Variants in CERT1 observed in about 807,000 individuals in gnomAD.
CERT1 encodes the protein ceramide transfer protein.
A neutral mutation model predicts 87.9 loss-of-function variants in CERT1; 31 were observed. That is an observed-to-expected ratio of 0.35 (90% CI 0.27 to 0.48). The LOEUF is 0.48. Ranked by LOEUF, CERT1 falls within the 20% of genes least tolerant of loss-of-function variation. The pLI, the probability that CERT1 is intolerant of heterozygous loss-of-function variation, is 0.99. For missense variants in CERT1, 487 were observed against 758.0 expected, an observed-to-expected ratio of 0.64 and a Z score of 4.20; for synonymous variants, 289 against 250.9, an observed-to-expected ratio of 1.15 and a Z score of -1.44.
intron 11 of CERT1, among the ~76,000 whole-genome samples, chr5:75,395,727 T>G (rs928746777): frequency 4.6e-5 from 7 of 151,934 alleles, no homozygotes; most frequent in African/African-American, 1.7e-4. Context: ...CTGGGTGTGA[T>G]AGCGTGTGCC....
At chr5:75,427,549 A>T (rs1370353717) in intron 3 of CERT1, among the ~76,000 whole-genome samples, 2 of 152,196 alleles carry the variant, frequency 1.3e-5, no homozygotes, top group Non-Finnish European at 2.9e-5. Flanking sequence ...CAGTGAGCCG[A>T]GATTACGCCA....
At chr5:75,425,171 G>A in intron 5 of CERT1, 190 bp downstream of exon 5, 1 of 533,424 alleles carries the variant, frequency 1.9e-6, no homozygotes. Context: ...TGGTATGGAT[G>A]ATCAAAATGA....
chr5:75,452,673 T>C (rs1487255781), intron 3 of CERT1, among the ~76,000 whole-genome samples: 3 of 152,188 alleles, frequency 2.0e-5, no homozygotes, highest in Non-Finnish European at 4.4e-5. Flanking sequence ...ACAGAGCCCT[T>C]TGACAACAGG....
rs986465191 is a variant in CERT1, at chr5:75,382,931, G to T, written c.1489-854C>A. Among the ~76,000 whole-genome samples, 8 of 152,066 alleles carry T rather than the reference G, an allele frequency of 5.3e-5. No homozygotes were observed. In the East Asian group the frequency reaches 1.5e-3, roughly 29 times the overall value. On this transcript the variant is annotated intron_variant, in intron 14 of 16. Coordinates refer to ENST00000643780, the MANE Select transcript of CERT1 (RefSeq NM_001379029.1). Reference sequence around the variant, plus strand: ...AGACCTAATGAATACAAATCCACAGGATGATAAGATAGAAATTTAAAGAAT... The same window carrying T: ...AGACCTAATGAATACAAATCCACAGTATGATAAGATAGAAATTTAAAGAAT...
chr5:75,415,388 G>C (rs1283010230), intron 7 of CERT1, among the ~76,000 whole-genome samples: 2 of 152,272 alleles, frequency 1.3e-5, no homozygotes, highest in Middle Eastern at 3.4e-3. Context: ...GCATGGAGAA[G>C]CAACAAAAGT....
intron 3 of CERT1, among the ~76,000 whole-genome samples, chr5:75,456,015 G>A (rs940590678): frequency 2.0e-5 from 3 of 152,130 alleles, no homozygotes; most frequent in Non-Finnish European, 2.9e-5. Context: ...CATTATGCCT[G>A]TACAGTTTTA....
At chr5:75,437,529 G>A (rs1242382915) in intron 3 of CERT1, among the ~76,000 whole-genome samples, 7 of 152,102 alleles carry the variant, frequency 4.6e-5, no homozygotes, top group Admixed American at 4.6e-4. Context: ...ACTTTGGGAG[G>A]CCAAGGCAGG....
intron 2 of CERT1, among the ~76,000 whole-genome samples, chr5:75,494,198 C>T (rs1766949719): frequency 6.6e-6 from 1 of 152,160 alleles, no homozygotes; most frequent in Admixed American, 6.5e-5. Context: ...AACCCAAAGG[C>T]TGTACTTTGA....
At chr5:75,496,928 C>G (rs1447678379) in intron 2 of CERT1, among the ~76,000 whole-genome samples, 1 of 151,412 alleles carries the variant, frequency 6.6e-6, no homozygotes, top group Non-Finnish European at 1.5e-5. Context: ...TGAATTTGAC[C>G]GTGTGTAAAT....
rs763174978 is a variant in CERT1, at chr5:75,379,416, T to A, written c.1805A>T (p.Tyr602Phe). 6.2e-7 allele frequency: 1 copy of A among 1,613,950 alleles called. No homozygotes were observed. ...AGTAAAACGTTTTAGAAATTTAGGA[T>A]ACTCTCGCTTTGCCACTGCCCTTAA... ...SVLRAVAKRE[Y>F]PKFLKRFTSY... Residue 602 changes from tyrosine to phenylalanine, a missense_variant, in exon 17 of 17, where the codon TAT (tyrosine) becomes TTT (phenylalanine). By Grantham distance (22) the Tyr-to-Phe change is conservative. Transcript: ENST00000643780.
At chr5:75,498,802 A>C (rs533111895) in intron 2 of CERT1, among the ~76,000 whole-genome samples, 74 of 152,316 alleles carry the variant, frequency 4.9e-4, no homozygotes, top group African/African-American at 1.6e-3. Flanking sequence ...ACTGGGCAGT[A>C]CCTAGTAGAG....
At chr5:75,473,463 G>A (rs1301491058) in intron 2 of CERT1, among the ~76,000 whole-genome samples, 1 of 149,440 alleles carries the variant, frequency 6.7e-6, no homozygotes, top group African/African-American at 2.4e-5. Flanking sequence ...AATGAAACAA[G>A]CCTGGCACAG....
intron 2 of CERT1, among the ~76,000 whole-genome samples, chr5:75,482,157 C>T (rs1429614751): frequency 6.6e-6 from 1 of 152,166 alleles, no homozygotes; most frequent in Non-Finnish European, 1.5e-5. Flanking sequence ...TCTAGACCAG[C>T]CCTGGGCCAG....
In CERT1 at chr5:75,505,805, A is replaced by G. The variant is rs1256965163; in HGVS notation, c.231+177T>C. The G allele has an allele frequency of 2.0e-5, 9 of 447,134 alleles. No individual in the cohort carries two copies. The East Asian group carries it at 2.1e-4, about 11-fold the overall frequency. The allele number at this position is 447,134 out of a possible 1,614,324, so 27.7% of individuals were successfully genotyped here. On this transcript the variant is annotated intron_variant, in intron 2 of 16. Transcript: ENST00000643780. ...AACTACATGTCTATGCAAAATAACAATATGTAGTAAAAACCACAGTAAAAT... is the reference window on the plus strand; with the variant it reads ...AACTACATGTCTATGCAAAATAACAGTATGTAGTAAAAACCACAGTAAAAT...
chr5:75,474,544 C>T (rs926553696), intron 2 of CERT1, among the ~76,000 whole-genome samples: 11 of 152,056 alleles, frequency 7.2e-5, no homozygotes, highest in Non-Finnish European at 1.2e-4. Flanking sequence ...CTAATCCAAT[C>T]TGAAGAATAA....
At chr5:75,477,940 G>A (rs966653383) in intron 2 of CERT1, among the ~76,000 whole-genome samples, 2 of 152,044 alleles carry the variant, frequency 1.3e-5, no homozygotes, top group Non-Finnish European at 2.9e-5. Context: ...TAAATATGGT[G>A]GCAGATTGAT....
chr5:75,397,819 G>C (rs1371860901), intron 11 of CERT1, among the ~76,000 whole-genome samples: 3 of 152,156 alleles, frequency 2.0e-5, no homozygotes, highest in African/African-American at 7.2e-5. Flanking sequence ...AGGAGTGCTA[G>C]ACCAGCCTGG....
At chr5:75,431,110 A>G (rs1294127213) in intron 3 of CERT1, among the ~76,000 whole-genome samples, 3 of 152,162 alleles carry the variant, frequency 2.0e-5, no homozygotes, top group African/African-American at 4.8e-5. Flanking sequence ...GGTTTATTAC[A>G]TGGGTAAATT....
chr5:75,404,381 A>C (rs1330757546), intron 8 of CERT1, among the ~76,000 whole-genome samples: 1 of 152,100 alleles, frequency 6.6e-6, no homozygotes, highest in African/African-American at 2.4e-5. Context: ...TCACAAAGTG[A>C]ATATACCATC....
Sources: allele counts gnomAD v4.1 joint callset (sites outside exome capture counted in the v4.1 genomes callset), GRCh38; gene constraint gnomAD v4.1.1; transcripts MANE v1.5; gene names NCBI Gene and HGNC (gene_info 2026-07-23, HGNC 2026-07-21).